The following PCDH15 variants were observed in gnomAD, a reference collection of about 807,000 sequenced individuals.
The protein encoded by PCDH15 is protocadherin-15.
A neutral mutation model predicts 178.5 loss-of-function variants in PCDH15; 129 were observed. That is an observed-to-expected ratio of 0.72 (90% CI 0.63 to 0.84). The LOEUF (loss-of-function observed/expected upper bound fraction) is 0.84, where lower values mean the gene tolerates loss of function less well. PCDH15 is among the 40% of genes least tolerant of loss of function. The pLI, the probability that PCDH15 is intolerant of heterozygous loss-of-function variation, is 0.00. For synonymous variants in PCDH15, 800 were observed against 732.0 expected, an observed-to-expected ratio of 1.09 and a Z score of -1.50; for missense variants, 2,230 against 2,099.9, an observed-to-expected ratio of 1.06 and a Z score of -1.21.
chr10:55,462,725 T>C (rs1275994996), intron 2 of PCDH15, among the ~76,000 whole-genome samples: 4 of 152,152 alleles, frequency 2.6e-5, no homozygotes, highest in African/African-American at 7.2e-5. Flanking sequence ...GTGTGATCAA[T>C]ACAACAATAT....
intron 10 of PCDH15, among the ~76,000 whole-genome samples, chr10:54,202,754 G>A (rs1414295089): frequency 6.7e-6 from 1 of 149,054 alleles, no homozygotes; most frequent in Non-Finnish European, 1.5e-5. Flanking sequence ...AGAGGTTGCA[G>A]TGAGCCAAGA....
At chr10:54,293,723 A>G (rs1378635718) in intron 8 of PCDH15, among the ~76,000 whole-genome samples, 5 of 152,226 alleles carry the variant, frequency 3.3e-5, no homozygotes, top group Non-Finnish European at 7.3e-5. Context: ...AAAAATGCTC[A>G]TCATCACTGG....
chr10:53,894,020 G>T (rs1041660928), intron 26 of PCDH15, among the ~76,000 whole-genome samples: 5 of 152,066 alleles, frequency 3.3e-5, no homozygotes, highest in Admixed American at 3.3e-4. Flanking sequence ...AGGGGGGTTT[G>T]TTGTACCCAA....
At chr10:54,834,007 ATCT>A (rs1357872579) in intron 3 of PCDH15, among the ~76,000 whole-genome samples, 1 of 152,166 alleles carries the variant, frequency 6.6e-6, no homozygotes, top group Non-Finnish European at 1.5e-5. Context: ...AATGGGAGAA[ATCT>A]TCTTTGGTTA....
At chr10:54,487,654 G>A (rs559276132) in intron 3 of PCDH15, among the ~76,000 whole-genome samples, 29 of 151,908 alleles carry the variant, frequency 1.9e-4, no homozygotes, top group South Asian at 1.0e-3. Flanking sequence ...AGATCTATCC[G>A]TACATCAATA....
At chr10:55,111,419 T>C (rs1591911396) in intron 2 of PCDH15, among the ~76,000 whole-genome samples, 1 of 152,336 alleles carries the variant, frequency 6.6e-6, no homozygotes, top group African/African-American at 2.4e-5. Flanking sequence ...GGCAAGCTTA[T>C]TTTAAGAAGA....
chr10:53,975,914 A>C (rs958303734), intron 21 of PCDH15, among the ~76,000 whole-genome samples: 1 of 152,164 alleles, frequency 6.6e-6, no homozygotes, highest in Admixed American at 6.6e-5. Context: ...TCTTAAATAT[A>C]AGTAATTTAT....
At chr10:54,179,881 A>G (rs965413372) in intron 13 of PCDH15, among the ~76,000 whole-genome samples, 1 of 152,196 alleles carries the variant, frequency 6.6e-6, no homozygotes, top group Non-Finnish European at 1.5e-5. Flanking sequence ...CATTAATTGG[A>G]TAGCTAGCTA....
intron 1 of PCDH15, among the ~76,000 whole-genome samples, chr10:54,731,347 A>G (rs1266499058): frequency 1.3e-5 from 2 of 150,634 alleles, no homozygotes; most frequent in Non-Finnish European, 3.0e-5. Context: ...CTATGAAAAA[A>G]AGTATGACAG....
At position 54,681,597 on chromosome 10, in the gene PCDH15, C is replaced by G. The variant is rs147402111; in HGVS notation, c.-28-17307G>C. On this transcript the variant is annotated intron_variant, in intron 1 of 37. Coordinates refer to ENST00000644397, the MANE Select transcript of PCDH15 (RefSeq NM_001384140.1). ...TCTTGTGTATTTGCAAAACAGAAGT[C>G]ACTGATGCCCTTGAGAAGAGTGGTT... 5.7e-3 allele frequency among the ~76,000 whole-genome samples: 865 copies of G among 152,220 alleles called. 8 individuals carry two copies. Among genetic ancestry groups the G allele is most frequent in the African/African-American group, 0.019 (800 of 41,546 alleles).
chr10:55,371,887 A>G (rs1845516454), intron 2 of PCDH15, among the ~76,000 whole-genome samples: 1 of 152,202 alleles, frequency 6.6e-6, no homozygotes, highest in Admixed American at 6.6e-5. Flanking sequence ...TAATATCTTA[A>G]GGAAGTATGT....
At chr10:53,883,914 C>T (rs1442654860) in intron 26 of PCDH15, among the ~76,000 whole-genome samples, 1 of 152,098 alleles carries the variant, frequency 6.6e-6, no homozygotes, top group Non-Finnish European at 1.5e-5. Context: ...CGGGCTTTCA[C>T]CATGTTGGCC....
At chr10:54,996,189 C>T (rs924607647) in intron 2 of PCDH15, among the ~76,000 whole-genome samples, 1 of 152,096 alleles carries the variant, frequency 6.6e-6, no homozygotes, top group Non-Finnish European at 1.5e-5. Context: ...ATTTTTTCGC[C>T]AGAGCTTGGT....
intron 2 of PCDH15, among the ~76,000 whole-genome samples, chr10:55,437,741 G>A (rs982794017): frequency 6.6e-6 from 1 of 151,798 alleles, no homozygotes; most frequent in African/African-American, 2.4e-5. Flanking sequence ...GTAAAGTGAG[G>A]GTGTGGAGAA....
intron 1 of PCDH15, among the ~76,000 whole-genome samples, chr10:55,273,710 C>A (rs932490372): frequency 6.6e-6 from 1 of 151,826 alleles, no homozygotes; most frequent in East Asian, 1.9e-4. Context: ...TATCAGTCAC[C>A]CAAATTTAAT....
Position 53,868,726 on chromosome 10 carries a change from T to C in PCDH15, c.3502-1869A>G, listed in dbSNP as rs541688226. ...TATATTGTGAACCATTTAAAACGTTTCCAGATAATCATATCTACTTGTTAG... is the reference window on the plus strand; with the variant it reads ...TATATTGTGAACCATTTAAAACGTTCCCAGATAATCATATCTACTTGTTAG... On this transcript the variant is annotated intron_variant, in intron 26 of 37. Coordinates refer to ENST00000644397, the MANE Select transcript of PCDH15 (RefSeq NM_001384140.1). 2.4e-4 allele frequency among the ~76,000 whole-genome samples: 37 copies of C among 152,344 alleles called. 1 individual carries two copies. In the South Asian group the frequency reaches 7.2e-3, roughly 30 times the overall value.
At chr10:54,616,452 A>G (rs2134334201) in intron 2 of PCDH15, among the ~76,000 whole-genome samples, 1 of 152,200 alleles carries the variant, frequency 6.6e-6, no homozygotes, top group South Asian at 2.1e-4. Context: ...AAATGAAGCC[A>G]TTGCAAGTGT....
intron 2 of PCDH15, among the ~76,000 whole-genome samples, chr10:54,899,361 T>C (rs1355770978): frequency 6.6e-6 from 1 of 152,162 alleles, no homozygotes; most frequent in Non-Finnish European, 1.5e-5. Flanking sequence ...AGCTTTCTTT[T>C]TCAGCTGTTT....
At chr10:55,195,182 C>G (rs1840053464) in intron 1 of PCDH15, among the ~76,000 whole-genome samples, 1 of 151,772 alleles carries the variant, frequency 6.6e-6, no homozygotes, top group South Asian at 2.1e-4. Flanking sequence ...AGCCACCACG[C>G]CTGGCTAACT....
Sources: gnomAD v4.1 joint callset for allele counts (sites outside exome capture counted in the v4.1 genomes callset) on GRCh38, gnomAD v4.1.1 for gene constraint, MANE v1.5 for transcripts, NCBI Gene and HGNC (gene_info 2026-07-23, HGNC 2026-07-21) for gene names.